The following LRBA variants were observed in gnomAD, a reference collection of about 807,000 sequenced individuals.
LRBA encodes lipopolysaccharide-responsive and beige-like anchor protein.
Under a neutral mutation model 330.0 loss-of-function variants are expected in LRBA, and 176 were observed. The ratio of observed to expected loss-of-function variants is 0.53; its 90% confidence interval spans 0.47 to 0.60. The LOEUF is 0.60. LRBA is among the 20% of genes least tolerant of loss of function. The probability of loss-of-function intolerance (pLI) is 0.00; values close to 1 mark genes in which losing one functional copy is unlikely to be tolerated. For missense variants in LRBA, 3,259 were observed against 3,444.8 expected, an observed-to-expected ratio of 0.95 and a Z score of 1.35; for synonymous variants, 1,230 against 1,193.0, an observed-to-expected ratio of 1.03 and a Z score of -0.64.
At chr4:151,006,128 GGTC>G in intron 2 of LRBA, among the ~76,000 whole-genome samples, 1 of 152,298 alleles carries the variant, frequency 6.6e-6, no homozygotes, top group East Asian at 1.9e-4. Flanking sequence ...GATCACCTAA[GGTC>G]AGGAGTTCGG....
At chr4:150,707,791 C>T (rs1001226395) in intron 36 of LRBA, among the ~76,000 whole-genome samples, 2 of 151,556 alleles carry the variant, frequency 1.3e-5, no homozygotes, top group African/African-American at 4.8e-5. Flanking sequence ...GGTTATCAAG[C>T]TCTAGCATAT....
chr4:150,336,415 A>AT (rs1734744636), intron 48 of LRBA, among the ~76,000 whole-genome samples: 1 of 152,220 alleles, frequency 6.6e-6, no homozygotes, highest in African/African-American at 2.4e-5. Flanking sequence ...TAAGTAAATA[A>AT]TGTGTTTTCC....
intron 46 of LRBA, among the ~76,000 whole-genome samples, chr4:150,418,868 G>A (rs1486429990): frequency 6.6e-6 from 1 of 151,750 alleles, no homozygotes; most frequent in Non-Finnish European, 1.5e-5. Context: ...TGAAGGAGGA[G>A]TCAAATGTTA....
rs76395126 is a variant in LRBA at position 150,616,344 on chromosome 4, C to T, written c.5922-17213G>A. Among the ~76,000 whole-genome samples the T allele has an allele frequency of 5.3e-3, 801 of 152,044 alleles. 29 individuals are homozygous for T. The highest frequency in any genetic ancestry group is 0.038 in the Admixed American group (583 of 15,274). On this transcript the variant is annotated intron_variant, in intron 37 of 56. Coordinates refer to ENST00000651943, the MANE Select transcript of LRBA (RefSeq NM_001364905.1). Reference sequence around the variant, plus strand: ...CTCAACAATAAAGAGATTGAAAAGACGAGGAAGAACCAGCAAGGAATTTTG... The same window carrying T: ...CTCAACAATAAAGAGATTGAAAAGATGAGGAAGAACCAGCAAGGAATTTTG...
At chr4:150,821,731 C>A (rs1380592220) in intron 30 of LRBA, among the ~76,000 whole-genome samples, 1 of 152,144 alleles carries the variant, frequency 6.6e-6, no homozygotes, top group Admixed American at 6.6e-5. Flanking sequence ...AGTTGAAAAG[C>A]CAAACCAGTC....
At chr4:150,629,735 C>T (rs1389696997) in intron 37 of LRBA, among the ~76,000 whole-genome samples, 2 of 151,922 alleles carry the variant, frequency 1.3e-5, no homozygotes, top group African/African-American at 4.8e-5. Flanking sequence ...TTTGGGAGGC[C>T]GAGCTGCATG....
chr4:150,721,049 C>T (rs1335992377), intron 36 of LRBA: 13 of 561,374 alleles, frequency 2.3e-5, no homozygotes, highest in Non-Finnish European at 3.6e-5. Flanking sequence ...TCAAGGCCAA[C>T]TATCCTCCAG....
At chr4:150,639,736 AATATATATAT>A (rs1212252752) in intron 37 of LRBA, among the ~76,000 whole-genome samples, 11 of 51,158 alleles carry the variant, frequency 2.2e-4, no homozygotes, top group South Asian at 9.9e-4. Flanking sequence ...CTATGCCCCA[AATATATATAT>A]ATATATATAT....
chr4:150,527,075 C>T (rs184517131), intron 40 of LRBA, among the ~76,000 whole-genome samples: 6 of 151,206 alleles, frequency 4.0e-5, no homozygotes, highest in African/African-American at 1.5e-4. Context: ...TTCTGTGCCT[C>T]GCTGATTATT....
chr4:150,379,490 A>C (rs1741874306), intron 47 of LRBA, among the ~76,000 whole-genome samples: 1 of 152,104 alleles, frequency 6.6e-6, no homozygotes, highest in African/African-American at 2.4e-5. Flanking sequence ...TATAGGTTCA[A>C]TCCCATAGAG....
chr4:150,336,721 C>CAT (rs931471738), intron 48 of LRBA, among the ~76,000 whole-genome samples: 20 of 152,128 alleles, frequency 1.3e-4, no homozygotes, highest in Non-Finnish European at 5.9e-5. Context: ...GGAGCCCGTA[C>CAT]TTTTCAGGCA....
chr4:150,310,199 T>C, intron 52 of LRBA, 30 bp downstream of exon 52: 15 of 1,485,794 alleles, frequency 1.0e-5, no homozygotes, highest in Non-Finnish European at 1.4e-5. Flanking sequence ...TAGTAAACTT[T>C]AGTTCACTGA....
intron 47 of LRBA, among the ~76,000 whole-genome samples, chr4:150,380,340 T>C (rs1742025761): frequency 6.6e-6 from 1 of 152,176 alleles, no homozygotes; most frequent in Admixed American, 6.5e-5. Context: ...TCTTAGCAGT[T>C]AAGAATTTTT....
At chr4:150,731,786 A>G (rs745650962) in intron 36 of LRBA, among the ~76,000 whole-genome samples, 1 of 152,184 alleles carries the variant, frequency 6.6e-6, no homozygotes, top group Non-Finnish European at 1.5e-5. Flanking sequence ...TGATAGCACA[A>G]CAGGAGACAA....
chr4:150,760,094 G>A (rs1188308657), intron 35 of LRBA, among the ~76,000 whole-genome samples: 1 of 152,058 alleles, frequency 6.6e-6, no homozygotes, highest in Non-Finnish European at 1.5e-5. Flanking sequence ...GCATTAAGCA[G>A]AACATTTGTG....
At chr4:150,324,177 G>T in intron 49 of LRBA, among the ~76,000 whole-genome samples, 1 of 152,172 alleles carries the variant, frequency 6.6e-6, no homozygotes. Context: ...ATAAGCCTCT[G>T]CCATGGAAGA....
At chr4:150,270,273 T>C (rs1422281026) in intron 56 of LRBA, among the ~76,000 whole-genome samples, 2 of 152,210 alleles carry the variant, frequency 1.3e-5, no homozygotes, top group East Asian at 3.8e-4. Context: ...ATAATGTTCA[T>C]AGCAGCATTA....
chr4:150,984,216 T>G (rs1240485273), intron 2 of LRBA, among the ~76,000 whole-genome samples: 2 of 152,216 alleles, frequency 1.3e-5, no homozygotes, highest in African/African-American at 4.8e-5. Flanking sequence ...ATTTTTGCGA[T>G]CTACAGAACT....
chr4:150,945,849 G>A (rs1736184259), intron 2 of LRBA, among the ~76,000 whole-genome samples: 1 of 151,622 alleles, frequency 6.6e-6, no homozygotes, highest in Non-Finnish European at 1.5e-5. Context: ...GCCCAGGCTG[G>A]AGTACAGTGG....
Sources: gnomAD v4.1 joint callset for allele counts (sites outside exome capture counted in the v4.1 genomes callset) on GRCh38, gnomAD v4.1.1 for gene constraint, MANE v1.5 for transcripts, NCBI Gene and HGNC (gene_info 2026-07-23, HGNC 2026-07-21) for gene names.